The following PHACTR1 variants were observed in gnomAD, a reference collection of about 807,000 sequenced individuals.
PHACTR1 encodes RPEL repeat containing 1.
Under a neutral mutation model 69.2 loss-of-function variants are expected in PHACTR1, and 16 were observed. That is an observed-to-expected ratio of 0.23 (90% CI 0.16 to 0.35). The LOEUF is 0.35. PHACTR1 is among the 10% of genes least tolerant of loss of function. PHACTR1 has a pLI of 1.00. For missense variants in PHACTR1, 510 were observed against 734.7 expected, an observed-to-expected ratio of 0.69 and a Z score of 3.54; for synonymous variants, 312 against 284.5, an observed-to-expected ratio of 1.10 and a Z score of -0.97.
At chr6:13,074,070 A>C (rs906792695) in intron 5 of PHACTR1, among the ~76,000 whole-genome samples, 2 of 151,982 alleles carry the variant, frequency 1.3e-5, no homozygotes, top group African/African-American at 4.8e-5. Context: ...ACAAGGTTTC[A>C]CCATGTTGGT....
intron 3 of PHACTR1, among the ~76,000 whole-genome samples, chr6:12,724,165 A>G (rs989641776): frequency 1.3e-5 from 2 of 152,026 alleles, no homozygotes; most frequent in East Asian, 1.9e-4. Flanking sequence ...TGTCCCTACT[A>G]AAAATACGAA....
At chr6:12,920,841 C>T (rs1366363581) in intron 4 of PHACTR1, among the ~76,000 whole-genome samples, 10 of 152,224 alleles carry the variant, frequency 6.6e-5, no homozygotes, top group Non-Finnish European at 1.5e-4. Context: ...ATTCAAGGGA[C>T]TGGAAAATAG....
At chr6:13,162,759 C>T (rs893250994) in intron 6 of PHACTR1, among the ~76,000 whole-genome samples, 2 of 152,136 alleles carry the variant, frequency 1.3e-5, no homozygotes, top group African/African-American at 2.4e-5. Flanking sequence ...GCAAAAGCCT[C>T]ATTTGATAGG....
intron 5 of PHACTR1, among the ~76,000 whole-genome samples, chr6:13,153,160 C>T (rs1276906184): frequency 6.6e-6 from 1 of 152,154 alleles, no homozygotes; most frequent in Non-Finnish European, 1.5e-5. Context: ...CATCCAGGGT[C>T]GGCAAGGCTC....
At chr6:12,976,686 G>A (rs765034314) in intron 4 of PHACTR1, among the ~76,000 whole-genome samples, 10 of 152,192 alleles carry the variant, frequency 6.6e-5, no homozygotes, top group Admixed American at 5.2e-4. Flanking sequence ...ATCTTGCTCC[G>A]TCTACTCTGT....
intron 4 of PHACTR1, among the ~76,000 whole-genome samples, chr6:12,784,792 G>A (rs1241314240): frequency 1.3e-5 from 2 of 151,562 alleles, no homozygotes; most frequent in Non-Finnish European, 2.9e-5. Flanking sequence ...TTGGCTCACC[G>A]CAACCTCCAC....
At chr6:13,112,555 A>C (rs1817205223) in intron 5 of PHACTR1, among the ~76,000 whole-genome samples, 1 of 151,874 alleles carries the variant, frequency 6.6e-6, no homozygotes, top group Admixed American at 6.6e-5. Flanking sequence ...ATATTTTTTG[A>C]CTTTTTAATG....
At chr6:13,124,268 C>T (rs1819185440) in intron 5 of PHACTR1, among the ~76,000 whole-genome samples, 1 of 152,182 alleles carries the variant, frequency 6.6e-6, no homozygotes. Flanking sequence ...GCACAGCTTC[C>T]CATACCATGG....
intron 5 of PHACTR1, among the ~76,000 whole-genome samples, chr6:13,112,720 G>A (rs1023551940): frequency 3.9e-5 from 6 of 152,020 alleles, no homozygotes; most frequent in African/African-American, 1.5e-4. Context: ...TTTTTAATGA[G>A]GTTGTTTTGT....
chr6:13,146,496 C>G (rs1195454292), intron 5 of PHACTR1, among the ~76,000 whole-genome samples: 2 of 152,216 alleles, frequency 1.3e-5, no homozygotes, highest in South Asian at 2.1e-4. Context: ...ACCTGACTAT[C>G]TTAACACTGT....
At position 12,873,198 on chromosome 6, in the gene PHACTR1, G is replaced by T. The variant is rs372367446; in HGVS notation, c.250+123408G>T. Among the ~76,000 whole-genome samples, 5 of 151,824 alleles carry T rather than the reference G, an allele frequency of 3.3e-5. No individual in the cohort carries two copies. The East Asian group carries it at 7.8e-4, about 24-fold the overall frequency. Reference sequence around the variant, plus strand: ...AGCTAACTTTTTAAAAAATTCTTTTGTAGAGATAGGATCTTGCCATGTTGC... The same window carrying T: ...AGCTAACTTTTTAAAAAATTCTTTTTTAGAGATAGGATCTTGCCATGTTGC... On this transcript the variant is annotated intron_variant, in intron 4 of 14. Transcript: ENST00000332995.
chr6:13,082,566 A>T (rs1811569086), intron 5 of PHACTR1, among the ~76,000 whole-genome samples: 1 of 152,206 alleles, frequency 6.6e-6, no homozygotes, highest in Non-Finnish European at 1.5e-5. Flanking sequence ...TCCCACCAAC[A>T]GTGTAAAAGT....
intron 4 of PHACTR1, among the ~76,000 whole-genome samples, chr6:12,864,827 G>T (rs766780377): frequency 6.6e-5 from 10 of 152,192 alleles, no homozygotes; most frequent in Non-Finnish European, 1.3e-4. Flanking sequence ...CTAGAGCATA[G>T]TTTCCAGTGT....
intron 4 of PHACTR1, among the ~76,000 whole-genome samples, chr6:12,864,346 G>C (rs1781236348): frequency 6.6e-6 from 1 of 152,200 alleles, no homozygotes; most frequent in Admixed American, 6.5e-5. Flanking sequence ...TGATGCTGCT[G>C]ATTCAAAAGG....
rs191355659 is a variant in PHACTR1, at chr6:13,159,538, T to C, written c.416-666T>C. Among the ~76,000 whole-genome samples, 3 of 152,346 alleles carry C rather than the reference T, an allele frequency of 2.0e-5. No homozygotes were observed. In the East Asian group the frequency reaches 5.8e-4, roughly 29 times the overall value. ...GTTTGGCTGACATCCAAGGTGGCAT[T>C]TCTAGCATTGAATCCCAGTTCCTTT... On this transcript the variant is annotated intron_variant, in intron 5 of 14. Coordinates refer to ENST00000332995, the MANE Select transcript of PHACTR1 (RefSeq NM_030948.6).
chr6:12,985,077 C>G (rs1795972875), intron 4 of PHACTR1, among the ~76,000 whole-genome samples: 1 of 152,202 alleles, frequency 6.6e-6, no homozygotes, highest in African/African-American at 2.4e-5. Flanking sequence ...ACAATTTCAT[C>G]CAACTGAAAC....
At chr6:13,222,701 C>T (rs1768876445) in intron 8 of PHACTR1, among the ~76,000 whole-genome samples, 1 of 152,180 alleles carries the variant, frequency 6.6e-6, no homozygotes, top group Non-Finnish European at 1.5e-5. Flanking sequence ...CCCCCTGTCC[C>T]CCAGAGGACA....
chr6:12,770,801 G>A (rs1347409948), intron 4 of PHACTR1, among the ~76,000 whole-genome samples: 2 of 152,082 alleles, frequency 1.3e-5, no homozygotes, highest in Admixed American at 6.5e-5. Flanking sequence ...TAGAGGGAGC[G>A]ATAGAAAACG....
At chr6:13,005,296 T>C (rs1798650812) in intron 4 of PHACTR1, among the ~76,000 whole-genome samples, 1 of 152,056 alleles carries the variant, frequency 6.6e-6, no homozygotes, top group Admixed American at 6.5e-5. Flanking sequence ...ATACATATAC[T>C]GTCTCTATAC....
Sources: allele counts gnomAD v4.1 joint callset (sites outside exome capture counted in the v4.1 genomes callset), GRCh38; gene constraint gnomAD v4.1.1; transcripts MANE v1.5; gene names NCBI Gene and HGNC (gene_info 2026-07-23, HGNC 2026-07-21).